Variants in UBR1 observed in about 807,000 individuals in gnomAD.
UBR1 encodes the protein ubiquitin protein ligase E3 component n-recognin 1, also known as E3 ubiquitin-protein ligase UBR1.
UBR1 carries 102 observed loss-of-function variants against 242.1 expected under a neutral mutation model. The observed-to-expected ratio is 0.42, with a 90% CI of 0.36 to 0.50. The LOEUF is 0.50. Among genes scored for constraint, UBR1 ranks in the 20% least tolerant of loss-of-function variants. UBR1 has a pLI of 0.01. For missense variants in UBR1, 1,772 were observed against 2,101.8 expected (o/e 0.84, Z 3.07); for synonymous variants, 675 against 684.8 (o/e 0.99, Z 0.22).
intron 46 of UBR1, among the ~76,000 whole-genome samples, chr15:42,949,380 G>A (rs937250409): frequency 6.6e-5 from 10 of 151,486 alleles, no homozygotes; most frequent in Non-Finnish European, 1.3e-4. Context: ...GTATACATAT[G>A]TAACTAACCT....
At chr15:42,998,358 A>G in intron 32 of UBR1, 93 bp from the exon 33 acceptor site, 1 of 1,188,150 alleles carries the variant, frequency 8.4e-7, no homozygotes, top group Non-Finnish European at 1.2e-6. Flanking sequence ...AAATGGTCAT[A>G]TAAAAAAGTT....
chr15:42,962,642 A>C (rs996131213), intron 42 of UBR1, among the ~76,000 whole-genome samples: 2 of 152,104 alleles, frequency 1.3e-5, no homozygotes, highest in African/African-American at 4.8e-5. Context: ...GGTACCTGCC[A>C]CCACGCCTGG....
intron 37 of UBR1, among the ~76,000 whole-genome samples, chr15:42,980,833 C>T (rs1272893065): frequency 6.6e-6 from 1 of 152,114 alleles, no homozygotes; most frequent in African/African-American, 2.4e-5. Context: ...AACTCCTGAG[C>T]TCAAATGATC....
intron 5 of UBR1, among the ~76,000 whole-genome samples, chr15:43,069,135 A>C (rs1457889470): frequency 6.6e-6 from 1 of 152,208 alleles, no homozygotes; most frequent in African/African-American, 2.4e-5. Context: ...ACAGGACCTT[A>C]AGACAGCTCA....
intron 41 of UBR1, 58 bp from the exon 42 acceptor site, chr15:42,964,101 G>T: frequency 8.6e-7 from 1 of 1,168,854 alleles, no homozygotes; most frequent in Non-Finnish European, 1.3e-6. Flanking sequence ...GTCAATCTGT[G>T]CATTAGAGTT....
intron 43 of UBR1, 47 bp from the exon 44 acceptor site, chr15:42,958,137 C>A: frequency 7.0e-7 from 1 of 1,434,622 alleles, no homozygotes. Flanking sequence ...TAAATAACCC[C>A]AGATCAAAAA....
intron 12 of UBR1, among the ~76,000 whole-genome samples, chr15:43,048,698 T>C (rs1051649631): frequency 1.3e-5 from 2 of 152,206 alleles, no homozygotes; most frequent in African/African-American, 4.8e-5. Flanking sequence ...AAGAGGCAGA[T>C]ATCAAGCTAA....
intron 46 of UBR1, 21 bp from the exon 47 acceptor site, chr15:42,945,491 AC>A (rs1567103734): frequency 6.2e-7 from 1 of 1,613,606 alleles, no homozygotes; most frequent in Non-Finnish European, 8.5e-7. Context: ...AAAAGAAAAA[AC>A]AACATGTAAG....
intron 14 of UBR1, 36 bp downstream of exon 14, chr15:43,047,125 A>T (rs972998679): frequency 1.2e-6 from 2 of 1,612,360 alleles, no homozygotes; most frequent in East Asian, 2.2e-5. Context: ...CTAAGAACTT[A>T]AAAAGGCACT....
At chr15:42,985,047 T>C in intron 35 of UBR1, 105 bp from the exon 36 acceptor site, 1 of 984,414 alleles carries the variant, frequency 1.0e-6, no homozygotes, top group Non-Finnish European at 1.5e-6. Context: ...GATGAGATGA[T>C]TTGCATTTTT....
At chr15:43,012,234 A>G (rs996512556) in intron 29 of UBR1, among the ~76,000 whole-genome samples, 3 of 152,132 alleles carry the variant, frequency 2.0e-5, no homozygotes, top group African/African-American at 7.2e-5. Context: ...CTCAAAAAAA[A>G]AAAAAAAGAA....
chr15:43,072,937 TG>T (rs2033840752), intron 4 of UBR1, among the ~76,000 whole-genome samples: 1 of 152,070 alleles, frequency 6.6e-6, no homozygotes. Context: ...CCGAGGCAGA[TG>T]AATCACTTGA....
intron 32 of UBR1, among the ~76,000 whole-genome samples, chr15:42,999,732 G>A (rs2032694727): frequency 6.6e-6 from 1 of 152,028 alleles, no homozygotes; most frequent in Non-Finnish European, 1.5e-5. Flanking sequence ...GGAGGCTGAG[G>A]TGGAAGGATC....
Position 43,037,786 on chromosome 15 carries a change from G to C in UBR1, c.2009C>G (p.Ser670Cys). The change falls in exon 17 of 47, where the codon TCT becomes TGT. Residue 670 changes from serine to cysteine, a missense_variant. Ser to Cys is a moderately radical substitution (Grantham distance 112). This residue lies in a region of UBR1 where 734 missense variants were observed against 893.3 expected (regional missense o/e 0.82). Transcript: ENST00000290650. ...VAEMWRRNGL[S>C]LISQVFYYQD... is the part of the protein sequence containing the mutation. ...ACTTTGCTGTACCTGGCTAATAAGA[G>C]ACAGTCCATTTCTTCGCCACATCTC... The C allele has an allele frequency of 1.2e-6, 2 of 1,613,954 alleles. No homozygotes were observed. Among genetic ancestry groups the C allele is most frequent in the Non-Finnish European group, 1.7e-6 (2 of 1,179,924 alleles).
At chr15:43,080,720 C>T (rs1278449247) in intron 3 of UBR1, among the ~76,000 whole-genome samples, 7 of 151,866 alleles carry the variant, frequency 4.6e-5, no homozygotes, top group Non-Finnish European at 5.9e-5. Context: ...TTTGGGAGGC[C>T]GAGGTGGGTG....
chr15:43,075,201 T>C, intron 3 of UBR1, 112 bp from the exon 4 acceptor site: 2 of 889,418 alleles, frequency 2.2e-6, no homozygotes, highest in Non-Finnish European at 3.8e-6. Flanking sequence ...CTTAATTGAG[T>C]TCAATGTAAT....
intron 37 of UBR1, among the ~76,000 whole-genome samples, chr15:42,981,797 G>A (rs1172455008): frequency 6.6e-6 from 1 of 152,078 alleles, no homozygotes; most frequent in African/African-American, 2.4e-5. Flanking sequence ...TCTGGCATTT[G>A]GCTATTTTAT....
chr15:43,076,502 C>T (rs12904490), intron 3 of UBR1, among the ~76,000 whole-genome samples: 3 of 151,328 alleles, frequency 2.0e-5, no homozygotes, highest in Non-Finnish European at 4.4e-5. Context: ...AAGTGAGGAG[C>T]GTCTCTGCCC....
In UBR1 at chr15:43,068,067, AC is replaced by A. The variant is rs1299415530; in HGVS notation, c.660-32del. ...AGAAAAAAAACATATATATTTGGAT[AC>A]TACAACAAATAAAGGAAAAGTAAAA... On this transcript the variant is annotated intron_variant, in intron 5 of 46. Transcript: ENST00000290650. 2.0e-6 allele frequency: 3 copies of A among 1,473,232 alleles called. No individual in the cohort carries two copies. In the East Asian group the frequency reaches 6.8e-5, roughly 33 times the overall value. The allele number at this position is 1,473,232 out of a possible 1,614,324, so 91.3% of individuals were successfully genotyped here.
Sources: allele counts gnomAD v4.1 joint callset (sites outside exome capture counted in the v4.1 genomes callset), GRCh38; gene constraint gnomAD v4.1.1; regional missense constraint gnomAD v4.1.1; transcripts MANE v1.5; gene names NCBI Gene and HGNC (gene_info 2026-07-23, HGNC 2026-07-21).